The following MBTPS1 variants were observed in gnomAD, a reference collection of about 807,000 sequenced individuals.
MBTPS1 encodes membrane-bound transcription factor site-1 protease.
Under a neutral mutation model 127.8 loss-of-function variants are expected in MBTPS1, and 94 were observed. The observed-to-expected ratio is 0.74, with a 90% CI of 0.62 to 0.87. The LOEUF is 0.87. MBTPS1 is among the 40% of genes least tolerant of loss of function. The pLI is 0.00. For missense variants in MBTPS1, 1,636 were observed against 1,353.2 expected, an observed-to-expected ratio of 1.21 and a Z score of -3.28; for synonymous variants, 632 against 509.4, an observed-to-expected ratio of 1.24 and a Z score of -3.24.
chr16:84,093,248 C>T lies in MBTPS1; in HGVS notation c.786G>A (p.Glu262=), dbSNP rs1044700647. Residue 262 remains glutamate, a synonymous_variant, in exon 6 of 23, where the codon GAG becomes GAA. Coordinates refer to ENST00000343411, the MANE Select transcript of MBTPS1 (RefSeq NM_003791.4). The part of the protein sequence containing the change: ...FVAGVIASMR[E]CQGFAPDAEL... ...CTGCATCTGGAGCAAATCCTTGGCA[C>T]TCCCTCATGCTGGCTATCACACCTG... 1.2e-6 allele frequency: 2 copies of T among 1,613,978 alleles called. No individual in the cohort carries two copies. Among genetic ancestry groups the T allele is most frequent in the Admixed American group, 3.3e-5 (2 of 60,004 alleles).
In MBTPS1 at chr16:84,091,767, C is replaced by A; in HGVS notation, c.928G>T (p.Gly310Cys). The change falls in exon 7 of 23, where the codon GGC (glycine) becomes TGC (cysteine). Residue 310 changes from glycine (G) to cysteine (C), a missense_variant. Transcript: ENST00000343411. Reference sequence around the variant, plus strand: ...AACGGATGATCCATGAAGTCCGGGCCGCCGATGCTGAGGTTTAACACGTCG... The same window carrying A: ...AACGGATGATCCATGAAGTCCGGGCAGCCGATGCTGAGGTTTAACACGTCG... ...KIDVLNLSIG[G>C]PDFMDHPFVD... 6.2e-7 allele frequency: 1 copy of A among 1,614,044 alleles called. No individual in the cohort carries two copies. The highest frequency in any genetic ancestry group is 8.5e-7 in the Non-Finnish European group (1 of 1,179,986).
At chr16:84,113,229 TAGAG>T (rs1046426025) in intron 1 of MBTPS1, among the ~76,000 whole-genome samples, 4 of 152,196 alleles carry the variant, frequency 2.6e-5, no homozygotes, top group Non-Finnish European at 5.9e-5. Context: ...TCACTTAACT[TAGAG>T]AGCCTACTTA....
chr16:84,067,889 AAC>A, intron 15 of MBTPS1, 66 bp from the exon 16 acceptor site: 1 of 1,483,792 alleles, frequency 6.7e-7, no homozygotes, highest in Non-Finnish European at 9.3e-7. Flanking sequence ...CCACGGCAGA[AAC>A]AGTGTCACCA....
In MBTPS1 at chr16:84,065,748, G is replaced by A. The variant is rs2085673550; in HGVS notation, c.2373C>T (p.Cys791=). The A allele has an allele frequency of 6.2e-7, 1 of 1,605,302 alleles. No homozygotes were observed. ...ANHDMYYASG[C]SIAKFPEDGV... Reference sequence around the variant, plus strand: ...CATCTTCTGGAAACTTCGCGATGCTGCACCCTGACGCATAATACACTAGGA... The same window carrying A: ...CATCTTCTGGAAACTTCGCGATGCTACACCCTGACGCATAATACACTAGGA... The change falls in exon 18 of 23, where the codon TGC becomes TGT. Residue 791 remains cysteine, a synonymous_variant. Coordinates refer to ENST00000343411, the MANE Select transcript of MBTPS1 (RefSeq NM_003791.4).
chr16:84,054,416 C>G lies in MBTPS1; in HGVS notation c.*33G>C, dbSNP rs368610874. ...CCCACCAGCGCCGTCCGTGAAGGCTCTCTCTGGCCCTCACGGTCAGCCAGG... is the reference window on the plus strand; with the variant it reads ...CCCACCAGCGCCGTCCGTGAAGGCTGTCTCTGGCCCTCACGGTCAGCCAGG... On this transcript the variant is annotated 3_prime_UTR_variant, in exon 23 of 23. Coordinates refer to ENST00000343411, the MANE Select transcript of MBTPS1 (RefSeq NM_003791.4). The G allele has an allele frequency of 1.1e-5, 17 of 1,546,846 alleles. No individual in the cohort carries two copies. The African/African-American group carries it at 1.4e-4, about 12-fold the overall frequency.
chr16:84,111,200 G>A (rs11642661), intron 1 of MBTPS1, among the ~76,000 whole-genome samples: 30,591 of 152,000 alleles, frequency 0.2, 4,113 homozygotes, highest in African/African-American at 0.38. Context: ...GTGTCTATAA[G>A]AGAGAGGCAG....
At chr16:84,109,092 A>G (rs1299770291) in intron 1 of MBTPS1, among the ~76,000 whole-genome samples, 1 of 152,268 alleles carries the variant, frequency 6.6e-6, no homozygotes, top group East Asian at 1.9e-4. Context: ...ACTGCCCACA[A>G]TTGGTTCTAA....
chr16:84,093,927 T>C, intron 4 of MBTPS1, 106 bp from the exon 5 acceptor site: 1 of 831,088 alleles, frequency 1.2e-6, no homozygotes, highest in South Asian at 1.5e-5. Flanking sequence ...AATGACATAT[T>C]GTGGAAGGCC....
intron 8 of MBTPS1, among the ~76,000 whole-genome samples, chr16:84,088,009 A>T (rs1438581993): frequency 6.6e-6 from 1 of 152,210 alleles, no homozygotes; most frequent in Non-Finnish European, 1.5e-5. Flanking sequence ...CTGTAGAAGG[A>T]CTATCATTAC....
intron 7 of MBTPS1, among the ~76,000 whole-genome samples, chr16:84,091,182 C>T (rs1204196384): frequency 6.6e-6 from 1 of 152,146 alleles, no homozygotes. Context: ...ACACGAATTG[C>T]ATGTTTAGGT....
At chr16:84,080,811 C>G (rs187809847) in intron 11 of MBTPS1, among the ~76,000 whole-genome samples, 1 of 152,234 alleles carries the variant, frequency 6.6e-6, no homozygotes, top group African/African-American at 2.4e-5. Flanking sequence ...ATTCCCACAC[C>G]CTTCCCTTTA....
intron 3 of MBTPS1, among the ~76,000 whole-genome samples, chr16:84,096,657 C>G (rs1470835422): frequency 6.6e-6 from 1 of 152,206 alleles, no homozygotes; most frequent in East Asian, 1.9e-4. Context: ...AAATCACTGT[C>G]ATTTTTATTC....
chr16:84,113,358 G>A (rs763783637), intron 1 of MBTPS1, among the ~76,000 whole-genome samples: 2 of 152,136 alleles, frequency 1.3e-5, no homozygotes, highest in African/African-American at 4.8e-5. Flanking sequence ...TGGTATTCCC[G>A]TACCTATGGG....
chr16:84,072,581 G>A (rs1040879960), intron 12 of MBTPS1, among the ~76,000 whole-genome samples: 6 of 152,160 alleles, frequency 3.9e-5, no homozygotes, highest in Non-Finnish European at 2.9e-5. Context: ...CATGAGGTGA[G>A]GAGATCGAGA....
intron 13 of MBTPS1, 102 bp downstream of exon 13, chr16:84,070,486 C>A: frequency 8.4e-7 from 1 of 1,192,222 alleles, no homozygotes; most frequent in East Asian, 2.3e-5. Context: ...GCCTATCTGT[C>A]AACTGTACTT....
At chr16:84,082,063 G>T in intron 10 of MBTPS1, 155 bp from the exon 11 acceptor site, 4 of 457,706 alleles carry the variant, frequency 8.7e-6, no homozygotes, top group Non-Finnish European at 1.5e-5. Context: ...GAGAGAATGA[G>T]TGCACACTCA....
chr16:84,076,454 A>G (rs762586101), intron 11 of MBTPS1, among the ~76,000 whole-genome samples: 1 of 152,240 alleles, frequency 6.6e-6, no homozygotes, highest in Non-Finnish European at 1.5e-5. Context: ...GCAACTAGAC[A>G]GAAAATAATC....
At chr16:84,111,074 G>C (rs1467184247) in intron 1 of MBTPS1, among the ~76,000 whole-genome samples, 1 of 152,194 alleles carries the variant, frequency 6.6e-6, no homozygotes, top group South Asian at 2.1e-4. Flanking sequence ...TAGAACCTGG[G>C]AATGTTACTT....
intron 16 of MBTPS1, 151 bp from the exon 17 acceptor site, chr16:84,066,764 G>A: frequency 2.8e-6 from 2 of 723,252 alleles, no homozygotes; most frequent in East Asian, 2.9e-5. Context: ...CTGGGTTTGG[G>A]TAAAACTGCA....
Sources: allele counts gnomAD v4.1 joint callset (sites outside exome capture counted in the v4.1 genomes callset), GRCh38; gene constraint gnomAD v4.1.1; transcripts MANE v1.5; gene names NCBI Gene and HGNC (gene_info 2026-07-23, HGNC 2026-07-21).